Variants in ZFHX3 observed in about 807,000 individuals in gnomAD.
ZFHX3 encodes zinc finger homeobox 3, also known as zinc finger homeobox protein 3.
Under a neutral mutation model 279.1 loss-of-function variants are expected in ZFHX3, and 42 were observed. That is an observed-to-expected ratio of 0.15 (90% confidence interval 0.12 to 0.19). The LOEUF is 0.19. Among genes scored for constraint, ZFHX3 ranks in the 10% least tolerant of loss-of-function variants. ZFHX3 has a pLI of 1.00. For missense variants in ZFHX3, 4,981 were observed against 4,754.0 expected (o/e 1.05, Z -1.40); for synonymous variants, 2,293 against 1,957.8 (o/e 1.17, Z -4.52).
intron 1 of ZFHX3, among the ~76,000 whole-genome samples, chr16:73,728,333 A>G (rs1245024835): frequency 6.6e-6 from 1 of 152,186 alleles, no homozygotes. Context: ...TCAGACTTCT[A>G]GCCTCCAGAA....
intron 2 of ZFHX3, among the ~76,000 whole-genome samples, chr16:73,571,233 AT>A (rs11403987): frequency 1.3e-5 from 2 of 151,740 alleles, no homozygotes; most frequent in African/African-American, 4.8e-5. Flanking sequence ...TTGAAAATGC[AT>A]TTTTTTCCTC....
chr16:73,871,198 C>T (rs1218902717), intron 1 of ZFHX3, among the ~76,000 whole-genome samples: 1 of 152,168 alleles, frequency 6.6e-6, no homozygotes, highest in African/African-American at 2.4e-5. Flanking sequence ...GGATTTTAGC[C>T]CTCATGTCAC....
chr16:73,331,364 T>C (rs988010699), intron 3 of ZFHX3, among the ~76,000 whole-genome samples: 1 of 152,174 alleles, frequency 6.6e-6, no homozygotes, highest in Non-Finnish European at 1.5e-5. Flanking sequence ...TCAGCAGCAT[T>C]TGTAGAAAGG....
chr16:73,133,024 T>C (rs1313558674), intron 6 of ZFHX3, among the ~76,000 whole-genome samples: 1 of 152,172 alleles, frequency 6.6e-6, no homozygotes, highest in Non-Finnish European at 1.5e-5. Flanking sequence ...TGAGCAACCT[T>C]GGCAACACAT....
chr16:73,328,043 T>C lies in ZFHX3; in HGVS notation c.-1290-9707A>G, dbSNP rs145823445. 1.6e-4 allele frequency among the ~76,000 whole-genome samples: 25 copies of C among 152,344 alleles called. No individual in the cohort carries two copies. In the East Asian group the frequency reaches 4.8e-3, roughly 29 times the overall value. On this transcript the variant is annotated intron_variant, in intron 3 of 17. Coordinates refer to the ZFHX3 transcript ENST00000641206. The stretch of plus-strand genomic sequence containing the variant: ...CCAGAATACTGAACCTATTTGACCA[T>C]TTTCCTATGCTTTTTAAATTTAATT...
At chr16:73,198,238 C>A (rs937355331) in intron 5 of ZFHX3, among the ~76,000 whole-genome samples, 1 of 151,696 alleles carries the variant, frequency 6.6e-6, no homozygotes, top group East Asian at 1.9e-4. Context: ...TGCCCAGCCC[C>A]TTATTTGGTG....
At chr16:72,820,184 C>G (rs1194375140) in intron 5 of ZFHX3, among the ~76,000 whole-genome samples, 1 of 152,180 alleles carries the variant, frequency 6.6e-6, no homozygotes, top group African/African-American at 2.4e-5. Flanking sequence ...GCCTCTCTGG[C>G]AGGCTCTGGA....
chr16:73,881,049 A>T (rs2030129372), intron 1 of ZFHX3, among the ~76,000 whole-genome samples: 1 of 152,176 alleles, frequency 6.6e-6, no homozygotes, highest in Non-Finnish European at 1.5e-5. Context: ...CCGCTCTTCA[A>T]ATATGCAGTC....
chr16:72,917,174 G>A (rs1017211437), intron 3 of ZFHX3, among the ~76,000 whole-genome samples: 2 of 152,182 alleles, frequency 1.3e-5, no homozygotes, highest in African/African-American at 2.4e-5. Context: ...CCAGAAGGCC[G>A]AGGCTACAGC....
At chr16:73,605,941 T>C (rs1283985392) in intron 2 of ZFHX3, among the ~76,000 whole-genome samples, 2 of 151,866 alleles carry the variant, frequency 1.3e-5, no homozygotes, top group African/African-American at 4.8e-5. Flanking sequence ...TCCCAGCATT[T>C]TGGGAGACCG....
chr16:73,582,092 A>G (rs62042970), intron 2 of ZFHX3, among the ~76,000 whole-genome samples: 22,115 of 151,916 alleles, frequency 0.15, 2,243 homozygotes, highest in Non-Finnish European at 0.22. Context: ...TAGCATAATT[A>G]TACTATAAGA....
At chr16:73,202,062 T>C (rs537678394) in intron 5 of ZFHX3, among the ~76,000 whole-genome samples, 1 of 152,220 alleles carries the variant, frequency 6.6e-6, no homozygotes, top group Non-Finnish European at 1.5e-5. Flanking sequence ...TAACTGTGAC[T>C]CACAATCATT....
intron 1 of ZFHX3, among the ~76,000 whole-genome samples, chr16:73,702,107 A>C (rs1366475023): frequency 6.6e-6 from 1 of 152,134 alleles, no homozygotes; most frequent in Non-Finnish European, 1.5e-5. Context: ...TGCCGTGAGC[A>C]GCAATTTCTT....
At chr16:73,537,752 GAAAAGA>G (rs2019932777) in intron 2 of ZFHX3, among the ~76,000 whole-genome samples, 2 of 152,192 alleles carry the variant, frequency 1.3e-5, no homozygotes, top group African/African-American at 4.8e-5. Context: ...GGAGTCCCAT[GAAAAGA>G]TGCTGGTGCC....
intron 1 of ZFHX3, among the ~76,000 whole-genome samples, chr16:73,761,142 G>T (rs2053861763): frequency 6.6e-6 from 1 of 151,954 alleles, no homozygotes; most frequent in Non-Finnish European, 1.5e-5. Context: ...AAAGCCTCAG[G>T]ATACAAAATC....
intron 4 of ZFHX3, among the ~76,000 whole-genome samples, chr16:72,865,202 T>C (rs1229268789): frequency 1.3e-5 from 2 of 152,336 alleles, no homozygotes; most frequent in South Asian, 2.1e-4. Context: ...CAAGTATTTA[T>C]GGATGACTTC....
chr16:73,613,336 G>A (rs144833489), intron 2 of ZFHX3, among the ~76,000 whole-genome samples: 12 of 152,012 alleles, frequency 7.9e-5, no homozygotes, highest in African/African-American at 2.2e-4. Context: ...CTTAATGTTC[G>A]TAAAAGAAAT....
chr16:73,648,120 G>A (rs967854722), intron 2 of ZFHX3, among the ~76,000 whole-genome samples: 2 of 152,170 alleles, frequency 1.3e-5, no homozygotes, highest in African/African-American at 2.4e-5. Flanking sequence ...CACACCCTAT[G>A]ATACACTTAT....
intron 4 of ZFHX3, among the ~76,000 whole-genome samples, chr16:73,273,131 C>G (rs529871387): frequency 6.6e-6 from 1 of 152,124 alleles, no homozygotes; most frequent in Non-Finnish European, 1.5e-5. Flanking sequence ...CAGCCCCTAA[C>G]GAGGCTAAAC....
Sources: gnomAD v4.1 joint callset for allele counts (sites outside exome capture counted in the v4.1 genomes callset) on GRCh38, gnomAD v4.1.1 for gene constraint, MANE v1.5 for transcripts, NCBI Gene and HGNC (gene_info 2026-07-23, HGNC 2026-07-21) for gene names.